The following RAD51B variants were observed in gnomAD, a reference collection of about 807,000 sequenced individuals.
RAD51B encodes DNA repair protein RAD51 homolog 2.
A neutral mutation model predicts 42.2 loss-of-function variants in RAD51B; 38 were observed. The ratio of observed to expected loss-of-function variants is 0.90; its 90% CI spans 0.70 to 1.18. The LOEUF (loss-of-function observed/expected upper bound fraction) is 1.18. Among genes scored for constraint, RAD51B ranks in the 50% most tolerant of loss-of-function variants. RAD51B has a pLI of 0.00. For synonymous variants in RAD51B, 154 were observed against 145.2 expected, an observed-to-expected ratio of 1.06 and a Z score of -0.43; for missense variants, 373 against 400.7, an observed-to-expected ratio of 0.93 and a Z score of 0.59.
chr14:68,577,807 G>A (rs1214413366), intron 10 of RAD51B, among the ~76,000 whole-genome samples: 1 of 152,078 alleles, frequency 6.6e-6, no homozygotes, highest in Non-Finnish European at 1.5e-5. Context: ...TTGTGTCCCC[G>A]GCACTTAGAA....
intron 10 of RAD51B, among the ~76,000 whole-genome samples, chr14:68,638,727 C>T (rs1275678123): frequency 1.3e-5 from 2 of 152,110 alleles, no homozygotes; most frequent in Non-Finnish European, 1.5e-5. Flanking sequence ...CGCAGCACTG[C>T]AGTGCAGCGC....
chr14:68,587,432 G>A (rs1370208484), intron 10 of RAD51B, among the ~76,000 whole-genome samples: 1 of 152,072 alleles, frequency 6.6e-6, no homozygotes, highest in Non-Finnish European at 1.5e-5. Flanking sequence ...TATAAATGGA[G>A]CAGAACCAGG....
chr14:67,909,365 G>A (rs2043888243), intron 7 of RAD51B, among the ~76,000 whole-genome samples: 1 of 152,214 alleles, frequency 6.6e-6, no homozygotes, highest in South Asian at 2.1e-4. Flanking sequence ...GTAAATTATG[G>A]TGTGGGAAAA....
chr14:67,843,529 C>T (rs1342275333), intron 4 of RAD51B: 2 of 152,036 alleles, frequency 1.3e-5, no homozygotes, highest in Non-Finnish European at 2.9e-5. Flanking sequence ...AATTCAATTT[C>T]GGACCTCATT....
intron 7 of RAD51B, among the ~76,000 whole-genome samples, chr14:68,105,848 A>T (rs1269273665): frequency 3.3e-5 from 5 of 152,104 alleles, no homozygotes; most frequent in South Asian, 2.1e-4. Context: ...TAGTGACAGG[A>T]TTATATACCT....
chr14:68,613,741 A>G (rs12588461), downstream of RAD51B, among the ~76,000 whole-genome samples: 112,634 of 151,724 alleles, frequency 0.74, 42,137 homozygotes, highest in South Asian at 0.77. Flanking sequence ...GGCGTGAGCC[A>G]CCCTGCCTGG....
intron 7 of RAD51B, among the ~76,000 whole-genome samples, chr14:68,107,942 G>T (rs1055686890): frequency 1.3e-5 from 2 of 151,622 alleles, no homozygotes; most frequent in Non-Finnish European, 3.0e-5. Context: ...TATGATAAGG[G>T]TCTAGTATCC....
At chr14:68,527,194 A>G (rs925762217) in intron 10 of RAD51B, among the ~76,000 whole-genome samples, 2 of 152,254 alleles carry the variant, frequency 1.3e-5, no homozygotes, top group Non-Finnish European at 2.9e-5. Context: ...TTGGGACTGA[A>G]AACAATGGAA....
intron 10 of RAD51B, among the ~76,000 whole-genome samples, chr14:68,519,898 A>G (rs1886449154): frequency 6.6e-6 from 1 of 152,222 alleles, no homozygotes; most frequent in Admixed American, 6.5e-5. Flanking sequence ...CTTCTAAGGC[A>G]GAAAGAAAAA....
intron 10 of RAD51B, among the ~76,000 whole-genome samples, chr14:68,494,313 A>G (rs905990181): frequency 6.6e-6 from 1 of 150,986 alleles, no homozygotes; most frequent in African/African-American, 2.4e-5. Context: ...CAATTTCACC[A>G]GTACTGCTCT....
chr14:68,639,331 C>T (rs1316625979), intron 10 of RAD51B, among the ~76,000 whole-genome samples: 2 of 152,194 alleles, frequency 1.3e-5, no homozygotes, highest in African/African-American at 4.8e-5. Context: ...TGTGGCTCCA[C>T]GGTCAGCCTG....
intron 10 of RAD51B, among the ~76,000 whole-genome samples, chr14:68,511,497 G>A (rs1885725290): frequency 1.3e-5 from 2 of 152,178 alleles, no homozygotes. Flanking sequence ...ACACTAACCT[G>A]GCTTTACTTC....
intron 7 of RAD51B, among the ~76,000 whole-genome samples, chr14:68,160,217 T>G (rs929006430): frequency 2.0e-5 from 3 of 152,230 alleles, no homozygotes; most frequent in Non-Finnish European, 2.9e-5. Context: ...AGGAATCATA[T>G]AACTTTAGAG....
intron 9 of RAD51B, among the ~76,000 whole-genome samples, chr14:68,435,720 A>T (rs1418027070): frequency 6.6e-6 from 1 of 152,038 alleles, no homozygotes; most frequent in African/African-American, 2.4e-5. Flanking sequence ...AGCCATTCTG[A>T]CTGGTGTGAG....
At chr14:67,995,100 A>G (rs2075358345) in intron 7 of RAD51B, among the ~76,000 whole-genome samples, 10 of 152,164 alleles carry the variant, frequency 6.6e-5, no homozygotes, top group Admixed American at 6.5e-4. Context: ...AGTATAAGAC[A>G]CACTCGGCCG....
chr14:68,540,159 C>T (rs1887877806), intron 10 of RAD51B: 3 of 979,674 alleles, frequency 3.1e-6, no homozygotes, highest in Non-Finnish European at 3.7e-6. Flanking sequence ...GGAATCCTAC[C>T]CTGCTCCTTT....
At chr14:68,282,274 T>C (rs1205713235) in intron 7 of RAD51B, among the ~76,000 whole-genome samples, 4 of 152,210 alleles carry the variant, frequency 2.6e-5, no homozygotes, top group Admixed American at 6.5e-5. Flanking sequence ...TGAGCCACCA[T>C]GCCCAGCCTC....
At chr14:67,999,781 T>G (rs1359305796) in intron 7 of RAD51B, among the ~76,000 whole-genome samples, 1 of 152,214 alleles carries the variant, frequency 6.6e-6, no homozygotes, top group Non-Finnish European at 1.5e-5. Context: ...TAATTTTTAT[T>G]ATTACTATAG....
intron 7 of RAD51B, among the ~76,000 whole-genome samples, chr14:68,147,226 A>T (rs1250763746): frequency 6.6e-6 from 1 of 152,190 alleles, no homozygotes; most frequent in Non-Finnish European, 1.5e-5. Flanking sequence ...TGACACTGGG[A>T]CTATGTGTTT....
Sources: gnomAD v4.1 joint callset for allele counts (sites outside exome capture counted in the v4.1 genomes callset) on GRCh38, gnomAD v4.1.1 for gene constraint, MANE v1.5 for transcripts, NCBI Gene and HGNC (gene_info 2026-07-23, HGNC 2026-07-21) for gene names.